Variants in SDK1 observed in about 807,000 individuals in gnomAD.
The protein encoded by SDK1 is protein sidekick-1.
Under a neutral mutation model 245.5 loss-of-function variants are expected in SDK1, and 157 were observed. That is an observed-to-expected ratio of 0.64 (90% CI 0.56 to 0.73). The LOEUF is 0.73. Ranked by LOEUF, SDK1 falls within the 30% of genes least tolerant of loss-of-function variation. The pLI, the probability that SDK1 is intolerant of heterozygous loss-of-function variation, is 0.00. For synonymous variants in SDK1, 1,647 were observed against 1,278.5 expected, an observed-to-expected ratio of 1.29 and a Z score of -6.15; for missense variants, 3,583 against 3,002.3, an observed-to-expected ratio of 1.19 and a Z score of -4.52.
chr7:3,668,924 G>GACCT (rs1391688048), intron 4 of SDK1, among the ~76,000 whole-genome samples: 30 of 152,328 alleles, frequency 2.0e-4, no homozygotes, highest in African/African-American at 7.0e-4. Flanking sequence ...AGGAGCCATA[G>GACCT]ACCTGTCCCT....
chr7:4,042,856 C>T (rs1033811955), intron 17 of SDK1, among the ~76,000 whole-genome samples: 2 of 152,222 alleles, frequency 1.3e-5, no homozygotes, highest in African/African-American at 2.4e-5. Flanking sequence ...AACTCTTTCT[C>T]GCTTGAGGGC....
intron 32 of SDK1, among the ~76,000 whole-genome samples, chr7:4,172,219 C>T (rs994468326): frequency 2.1e-4 from 32 of 152,214 alleles, no homozygotes; most frequent in African/African-American, 7.2e-4. Context: ...TGCTGGCAGC[C>T]CTGCATGGCA....
intron 1 of SDK1, among the ~76,000 whole-genome samples, chr7:3,306,578 C>T (rs1196617454): frequency 2.0e-5 from 3 of 152,196 alleles, no homozygotes; most frequent in Admixed American, 6.5e-5. Context: ...TTAGGCTATA[C>T]TGGGGTTTAT....
chr7:4,150,362 G>A (rs868717317), intron 30 of SDK1, among the ~76,000 whole-genome samples: 47 of 152,262 alleles, frequency 3.1e-4, no homozygotes, highest in Middle Eastern at 3.4e-3. Flanking sequence ...CCTCCATGTC[G>A]CAGGGCTCTG....
chr7:3,906,529 T>C (rs1197130587), intron 5 of SDK1, among the ~76,000 whole-genome samples: 1 of 151,992 alleles, frequency 6.6e-6, no homozygotes, highest in Non-Finnish European at 1.5e-5. Context: ...CTTGTGCTAT[T>C]GTCCTGCTGG....
chr7:4,012,665 C>T (rs1786084561), intron 16 of SDK1, among the ~76,000 whole-genome samples: 1 of 142,332 alleles, frequency 7.0e-6, no homozygotes, highest in East Asian at 2.2e-4. Flanking sequence ...CTTCCGCTGC[C>T]TGGGTTCAAG....
intron 26 of SDK1, among the ~76,000 whole-genome samples, chr7:4,127,779 C>T (rs1042531125): frequency 6.6e-6 from 1 of 152,262 alleles, no homozygotes; most frequent in Non-Finnish European, 1.5e-5. Flanking sequence ...ACTCTGCCCT[C>T]GCTGGCCTCA....
chr7:4,020,964 A>G (rs150363820), intron 17 of SDK1, among the ~76,000 whole-genome samples: 153 of 152,302 alleles, frequency 1.0e-3, no homozygotes, highest in Non-Finnish European at 2.0e-3. Flanking sequence ...TCGTTTTTCC[A>G]CTGTGATGAA....
intron 1 of SDK1, among the ~76,000 whole-genome samples, chr7:3,590,847 A>G (rs926770899): frequency 6.9e-6 from 1 of 143,902 alleles, no homozygotes; most frequent in South Asian, 2.2e-4. Context: ...CAGTGGCATG[A>G]TCGTAGATTA....
intron 5 of SDK1, among the ~76,000 whole-genome samples, chr7:3,922,760 C>T (rs977828399): frequency 4.6e-5 from 7 of 152,166 alleles, no homozygotes; most frequent in African/African-American, 1.7e-4. Flanking sequence ...TTTGCTGGTT[C>T]TCAGTAAGTC....
chr7:3,303,034 A>C lies in SDK1; in HGVS notation c.298+1150A>C, dbSNP rs564950010. Reference sequence around the variant, plus strand: ...CTCATACTTTTTTTTATTGATGCTTATGTAACGTTATCTAAATTGTGCCCC... The same window carrying C: ...CTCATACTTTTTTTTATTGATGCTTCTGTAACGTTATCTAAATTGTGCCCC... On this transcript the variant is annotated intron_variant, in intron 1 of 44. Transcript: ENST00000404826. Among the ~76,000 whole-genome samples the C allele has an allele frequency of 7.9e-5, 12 of 151,434 alleles. No individual in the cohort carries two copies. The East Asian group carries it at 2.2e-3, about 27-fold the overall frequency.
chr7:3,322,723 T>A (rs1055601486), intron 1 of SDK1, among the ~76,000 whole-genome samples: 7 of 152,204 alleles, frequency 4.6e-5, no homozygotes, highest in African/African-American at 1.4e-4. Flanking sequence ...TCTTCCTGGT[T>A]TCACATGCCA....
intron 5 of SDK1, among the ~76,000 whole-genome samples, chr7:3,854,842 G>C (rs536249032): frequency 9.2e-5 from 14 of 152,274 alleles, no homozygotes; most frequent in African/African-American, 2.9e-4. Flanking sequence ...TGTATTATGA[G>C]GAATCGCTAT....
At chr7:4,203,078 G>A (rs1014917758) in intron 35 of SDK1, among the ~76,000 whole-genome samples, 9 of 152,216 alleles carry the variant, frequency 5.9e-5, no homozygotes, top group African/African-American at 2.2e-4. Context: ...CGTCCTTGCT[G>A]CCGTTTGGGG....
intron 44 of SDK1, among the ~76,000 whole-genome samples, chr7:4,246,187 A>G (rs1425951410): frequency 6.6e-6 from 1 of 152,308 alleles, no homozygotes; most frequent in East Asian, 1.9e-4. Flanking sequence ...GACTGCAGTG[A>G]GAGATAGGCA....
At chr7:4,132,901 G>A (rs1784935855) in intron 28 of SDK1, among the ~76,000 whole-genome samples, 1 of 152,146 alleles carries the variant, frequency 6.6e-6, no homozygotes, top group Non-Finnish European at 1.5e-5. Flanking sequence ...TCTGAGCTAC[G>A]TACTAAAGGT....
At chr7:3,572,186 G>A (rs1780136983) in intron 1 of SDK1, among the ~76,000 whole-genome samples, 1 of 152,082 alleles carries the variant, frequency 6.6e-6, no homozygotes, top group South Asian at 2.1e-4. Context: ...TAATAAGTTA[G>A]TAGTTTCTAC....
intron 4 of SDK1, among the ~76,000 whole-genome samples, chr7:3,754,876 C>T: frequency 6.6e-6 from 1 of 152,178 alleles, no homozygotes; most frequent in African/African-American, 2.4e-5. Context: ...GGAATCGCAG[C>T]ACAGGGGCCT....
At chr7:3,800,655 C>A (rs192442372) in intron 4 of SDK1, among the ~76,000 whole-genome samples, 11 of 152,298 alleles carry the variant, frequency 7.2e-5, no homozygotes, top group Admixed American at 3.9e-4. Flanking sequence ...CAGGTGTGAG[C>A]TGCCTCGCTC....
Sources: gnomAD v4.1 joint callset for allele counts (sites outside exome capture counted in the v4.1 genomes callset) on GRCh38, gnomAD v4.1.1 for gene constraint, MANE v1.5 for transcripts, NCBI Gene and HGNC (gene_info 2026-07-23, HGNC 2026-07-21) for gene names.